SERPINA12: variants seen among roughly 807,000 people sequenced by gnomAD.
SERPINA12 encodes the protein serpin family A member 12.
A neutral mutation model predicts 25.9 loss-of-function variants in SERPINA12; 21 were observed. The ratio of observed to expected loss-of-function variants is 0.81; its 90% CI spans 0.58 to 1.17. The LOEUF (loss-of-function observed/expected upper bound fraction) is 1.17, where lower values mean the gene tolerates loss of function less well. SERPINA12 is among the 50% of genes most tolerant of loss of function. The pLI is 0.00. For missense variants in SERPINA12, 562 were observed against 508.3 expected (o/e 1.11, Z -1.02); for synonymous variants, 220 against 196.0 (o/e 1.12, Z -1.02).
intron 3 of SERPINA12, among the ~76,000 whole-genome samples, chr14:94,491,516 G>A (rs994083082): frequency 6.6e-6 from 1 of 152,020 alleles, no homozygotes; most frequent in African/African-American, 2.4e-5. Flanking sequence ...TGTGTAGTGG[G>A]GATGGGCAAA....
Position 94,487,435 on chromosome 14 carries a change from G to C in SERPINA12, c.1113C>G (p.Thr371=). 6.2e-7 allele frequency: 1 copy of C among 1,613,968 alleles called. No homozygotes were observed. Among genetic ancestry groups the C allele is most frequent in the Non-Finnish European group, 8.5e-7 (1 of 1,179,970 alleles). Residue 371 remains threonine (T), a synonymous_variant, in exon 5 of 5, where the codon ACC becomes ACG. Coordinates refer to ENST00000677451, the MANE Select transcript of SERPINA12 (RefSeq NM_001382267.1). The stretch of plus-strand genomic sequence containing the variant: ...TCTCCATGGGCAGAGTCTGTGCTCC[G>C]GTGCCAGCGGCCCCTTCCGTACCCC... The part of the protein sequence containing the change: ...DERGTEGAAG[T]GAQTLPMETP...
At chr14:94,493,299 C>T (rs1293692949) in intron 3 of SERPINA12, among the ~76,000 whole-genome samples, 1 of 152,190 alleles carries the variant, frequency 6.6e-6, no homozygotes, top group Non-Finnish European at 1.5e-5. Context: ...AGCAAGCCCC[C>T]TGTCCTGCAA....
intron 2 of SERPINA12, among the ~76,000 whole-genome samples, chr14:94,497,552 A>C (rs1308745357): frequency 2.0e-5 from 3 of 152,260 alleles, no homozygotes; most frequent in Non-Finnish European, 2.9e-5. Context: ...GACTTCATAA[A>C]GCTCATTTCA....
Position 94,493,168 on chromosome 14 carries a change from A to T in SERPINA12, c.905+3205T>A, listed in dbSNP as rs887912610. Among the ~76,000 whole-genome samples the T allele has an allele frequency of 1.4e-4, 21 of 152,190 alleles. 2 individuals are homozygous for T. The highest frequency in any genetic ancestry group is 9.6e-4 in the East Asian group (5 of 5,194). On this transcript the variant is annotated intron_variant, in intron 3 of 4. Transcript: ENST00000677451. ...AGCGGGCCACTGAGCTCTCTGGACT[A>T]GGCTTCCCACCTGTAGATCAAAGCA...
At chr14:94,494,531 C>A (rs1050194438) in intron 3 of SERPINA12, among the ~76,000 whole-genome samples, 1 of 148,864 alleles carries the variant, frequency 6.7e-6, no homozygotes, top group Non-Finnish European at 1.5e-5. Context: ...AAGAGCGCTG[C>A]CATCCCTCGA....
intron 1 of SERPINA12, chr14:94,516,256 G>C (rs73338697): frequency 6.6e-6 from 1 of 152,482 alleles, no homozygotes; most frequent in Admixed American, 6.5e-5. Flanking sequence ...TGGGTCTGGT[G>C]GTCAGCCCAG....
chr14:94,496,730 A>G (rs1453668546), intron 2 of SERPINA12, 87 bp from the exon 3 acceptor site: 3 of 1,122,400 alleles, frequency 2.7e-6, no homozygotes, highest in Non-Finnish European at 3.9e-6. Flanking sequence ...CTCTCCACAC[A>G]GATTCAGGGT....
At chr14:94,489,020 C>T (rs1477504822) in intron 4 of SERPINA12, among the ~76,000 whole-genome samples, 4 of 152,022 alleles carry the variant, frequency 2.6e-5, no homozygotes, top group Admixed American at 6.5e-5. Context: ...TTGCTTGAAC[C>T]TGGGAGGTGG....
At chr14:94,512,807 A>T (rs1164421046), upstream of SERPINA12, among the ~76,000 whole-genome samples, 1 of 152,162 alleles carries the variant, frequency 6.6e-6, no homozygotes, top group Non-Finnish European at 1.5e-5. Flanking sequence ...CTAACTACTG[A>T]CTATTTTGTG....
chr14:94,510,272 G>T, upstream of SERPINA12: 1 of 985,254 alleles, frequency 1.0e-6, no homozygotes. Context: ...ACCCAAGTCC[G>T]TGCTAAATGT....
upstream of SERPINA12, among the ~76,000 whole-genome samples, chr14:94,510,835 A>T (rs541405922): frequency 6.6e-6 from 1 of 152,306 alleles, no homozygotes. Flanking sequence ...AACTAAAGTA[A>T]CTCGGGAATG....
At chr14:94,494,884 C>A (rs957389894) in intron 3 of SERPINA12, among the ~76,000 whole-genome samples, 2 of 152,096 alleles carry the variant, frequency 1.3e-5, no homozygotes, top group African/African-American at 2.4e-5. Flanking sequence ...TGGACCCCTC[C>A]TTTTGTTTCA....
intron 1 of SERPINA12, among the ~76,000 whole-genome samples, chr14:94,508,927 C>T (rs17752833): frequency 0.11 from 16,856 of 152,128 alleles, 1,156 homozygotes; most frequent in Middle Eastern, 0.22. Context: ...TTAGTAGATA[C>T]GGTTATTCAT....
intron 1 of SERPINA12, among the ~76,000 whole-genome samples, chr14:94,516,426 C>G (rs1478214826): frequency 3.9e-5 from 6 of 152,156 alleles, no homozygotes; most frequent in Non-Finnish European, 8.8e-5. Context: ...GTGTTCCTCA[C>G]CTGACCTGAG....
At chr14:94,490,922 TCTCTACCGGTGACACTGCTGCTTCCAGG>T (rs1291474378) in intron 3 of SERPINA12, among the ~76,000 whole-genome samples, 1 of 151,952 alleles carries the variant, frequency 6.6e-6, no homozygotes, top group South Asian at 2.1e-4. Flanking sequence ...ACCCCTCCCA[TCTCTACCGGTGACACTGCTGCTTCCAGG>T]CTCAGACCTT....
At chr14:94,515,033 C>T (rs545880848) in intron 2 of SERPINA12, among the ~76,000 whole-genome samples, 1 of 152,302 alleles carries the variant, frequency 6.6e-6, no homozygotes, top group South Asian at 2.1e-4. Flanking sequence ...CACACACCTG[C>T]TGCTGGGCCT....
intron 4 of SERPINA12, among the ~76,000 whole-genome samples, chr14:94,489,133 A>AG (rs1566803744): frequency 4.1e-5 from 6 of 145,686 alleles, no homozygotes; most frequent in Non-Finnish European, 7.6e-5. Context: ...GGAAGGAAGG[A>AG]AGAGAGAGAG....
chr14:94,511,835 C>T (rs1335265785), upstream of SERPINA12: 7 of 548,556 alleles, frequency 1.3e-5, no homozygotes, highest in South Asian at 7.8e-5. Context: ...TGGGGGGTCA[C>T]GCCTGTACTC....
Position 94,489,735 on chromosome 14 carries a change from A to T in SERPINA12, c.938T>A (p.Met313Lys). ...VVDVSVPRLH[M>K]TGTFDLKKTL... ...CTTCTTCAGGTCGAAGGTGCCCGTC[A>T]TGTGGAGTCTGGGTACAGACACGTC... is the stretch of plus-strand genomic sequence containing the variant. Residue 313 changes from methionine to lysine, a missense_variant, in exon 4 of 5, where the codon ATG (methionine) becomes AAG (lysine). Coordinates refer to ENST00000677451, the MANE Select transcript of SERPINA12 (RefSeq NM_001382267.1). 1.2e-6 allele frequency: 2 copies of T among 1,614,204 alleles called. No homozygotes were observed. The highest frequency in any genetic ancestry group is 1.7e-6 in the Non-Finnish European group (2 of 1,180,010).
Sources: allele counts gnomAD v4.1 joint callset (sites outside exome capture counted in the v4.1 genomes callset), GRCh38; gene constraint gnomAD v4.1.1; transcripts MANE v1.5; gene names NCBI Gene and HGNC (gene_info 2026-07-23, HGNC 2026-07-21).